Variants in KAZN observed in about 807,000 individuals in gnomAD.
The protein encoded by KAZN is kazrin.
In KAZN, 40 loss-of-function variants were observed where a neutral mutation model predicts 87.4. The ratio of observed to expected loss-of-function variants is 0.46; its 90% CI spans 0.36 to 0.60. The LOEUF is 0.60. Ranked by LOEUF, KAZN falls within the 20% of genes least tolerant of loss-of-function variation. KAZN has a pLI of 0.00. For synonymous variants in KAZN, 466 were observed against 458.3 expected (o/e 1.02, Z -0.22); for missense variants, 898 against 1,073.9 (o/e 0.84, Z 2.29).
intron 1 of KAZN, among the ~76,000 whole-genome samples, chr1:14,031,209 G>A (rs1322306694): frequency 1.3e-5 from 2 of 152,184 alleles, no homozygotes; most frequent in Non-Finnish European, 2.9e-5. Flanking sequence ...ACATGAAAAG[G>A]TATGTCCAAA....
intron 1 of KAZN, among the ~76,000 whole-genome samples, chr1:14,115,010 G>A (rs908482202): frequency 6.6e-6 from 1 of 152,200 alleles, no homozygotes; most frequent in Non-Finnish European, 1.5e-5. Flanking sequence ...CTCCTGTGCT[G>A]GCTCTGTTGA....
At chr1:14,631,096 C>T (rs769110104) in intron 1 of KAZN, among the ~76,000 whole-genome samples, 2 of 152,190 alleles carry the variant, frequency 1.3e-5, no homozygotes, top group Non-Finnish European at 2.9e-5. Context: ...ATCCCCTACC[C>T]TGCTGCCTCA....
chr1:14,837,399 A>T (rs757178579), intron 1 of KAZN, among the ~76,000 whole-genome samples: 7 of 152,030 alleles, frequency 4.6e-5, no homozygotes, highest in Non-Finnish European at 7.4e-5. Flanking sequence ...GGGTTTCTCC[A>T]TGTGGGTCAG....
intron 2 of KAZN, among the ~76,000 whole-genome samples, chr1:14,392,708 A>C (rs1273836737): frequency 6.6e-6 from 1 of 152,030 alleles, no homozygotes; most frequent in African/African-American, 2.4e-5. Flanking sequence ...ATAGAGAAAA[A>C]GTCTGCGAAC....
At chr1:14,042,406 C>T (rs1641878023) in intron 1 of KAZN, among the ~76,000 whole-genome samples, 1 of 152,210 alleles carries the variant, frequency 6.6e-6, no homozygotes, top group Admixed American at 6.5e-5. Flanking sequence ...AACATTCTCC[C>T]TGCTTTCAGC....
chr1:14,605,196 C>T lies in KAZN; in HGVS notation c.226+5973C>T, dbSNP rs151190286. On this transcript the variant is annotated intron_variant, in intron 1 of 14. Coordinates refer to ENST00000376030, the MANE Select transcript of KAZN (RefSeq NM_201628.3). Reference sequence around the variant, plus strand: ...AGCCTGTAGTTTCTTTCTCTTTGGTCAAGGTGAATAGTTTAATGTAGCAGT... The same window carrying T: ...AGCCTGTAGTTTCTTTCTCTTTGGTTAAGGTGAATAGTTTAATGTAGCAGT... Among the ~76,000 whole-genome samples, 287 of 152,284 alleles carry T rather than the reference C, an allele frequency of 1.9e-3. 6 individuals are homozygous for T. In the East Asian group the frequency reaches 0.037, roughly 20 times the overall value.
At chr1:14,908,733 G>T (rs1323335020) in intron 1 of KAZN, among the ~76,000 whole-genome samples, 1 of 151,710 alleles carries the variant, frequency 6.6e-6, no homozygotes, top group East Asian at 1.9e-4. Flanking sequence ...GAACATGTGG[G>T]TCCGGGCATG....
chr1:13,930,133 C>G (rs1437711738), intron 1 of KAZN, among the ~76,000 whole-genome samples: 1 of 152,186 alleles, frequency 6.6e-6, no homozygotes, highest in Non-Finnish European at 1.5e-5. Flanking sequence ...CATCCTGCCC[C>G]CTCTTCCTAC....
intron 2 of KAZN, among the ~76,000 whole-genome samples, chr1:14,270,240 C>T (rs567048797): frequency 8.5e-5 from 13 of 152,290 alleles, no homozygotes; most frequent in Middle Eastern, 3.4e-3. Context: ...GAATCTCCAG[C>T]CTTGGATCTA....
At chr1:14,113,913 C>G in intron 1 of KAZN, among the ~76,000 whole-genome samples, 1 of 152,154 alleles carries the variant, frequency 6.6e-6, no homozygotes, top group East Asian at 1.9e-4. Flanking sequence ...TGTGTGTGGC[C>G]GTCTGAAATT....
intron 1 of KAZN, among the ~76,000 whole-genome samples, chr1:13,996,841 C>T (rs1019267438): frequency 1.4e-4 from 22 of 152,126 alleles, no homozygotes; most frequent in Non-Finnish European, 2.1e-4. Context: ...CACCCCCCTC[C>T]GCAAAGGGAC....
chr1:14,205,099 G>A (rs1557559142), intron 2 of KAZN, among the ~76,000 whole-genome samples: 1 of 152,208 alleles, frequency 6.6e-6, no homozygotes, highest in Non-Finnish European at 1.5e-5. Context: ...TGGGGAAGAG[G>A]CTGAAAGTTG....
chr1:14,823,093 A>G (rs1646782811), intron 1 of KAZN, among the ~76,000 whole-genome samples: 1 of 151,902 alleles, frequency 6.6e-6, no homozygotes, highest in African/African-American at 2.4e-5. Flanking sequence ...CCCTGCAACC[A>G]GCCCCGTTCT....
At chr1:14,953,320 C>T (rs1662720529) in intron 1 of KAZN, among the ~76,000 whole-genome samples, 1 of 152,258 alleles carries the variant, frequency 6.6e-6, no homozygotes, top group Admixed American at 6.5e-5. Flanking sequence ...CACCTGGGCC[C>T]TGCTGGTTCA....
intron 2 of KAZN, among the ~76,000 whole-genome samples, chr1:14,366,610 G>A (rs1307189196): frequency 6.6e-6 from 1 of 152,196 alleles, no homozygotes; most frequent in Admixed American, 6.5e-5. Context: ...GCGGGTGCAG[G>A]AGCCGTGGGC....
chr1:14,766,326 T>C (rs1644882756), intron 1 of KAZN, among the ~76,000 whole-genome samples: 1 of 151,858 alleles, frequency 6.6e-6, no homozygotes, highest in Non-Finnish European at 1.5e-5. Flanking sequence ...AGTTGCACCA[T>C]AATGGTAAGA....
At chr1:15,050,062 AGGGT>A (rs1674150092) in intron 4 of KAZN, among the ~76,000 whole-genome samples, 1 of 76,596 alleles carries the variant, frequency 1.3e-5, no homozygotes, top group Non-Finnish European at 2.3e-5. Flanking sequence ...AGGGTAGGGT[AGGGT>A]AGAGTAGAGT....
intron 1 of KAZN, among the ~76,000 whole-genome samples, chr1:14,799,055 G>A (rs1487937640): frequency 6.6e-6 from 1 of 152,224 alleles, no homozygotes; most frequent in Non-Finnish European, 1.5e-5. Context: ...GGGATTACAG[G>A]CATGATGAGC....
intron 1 of KAZN, among the ~76,000 whole-genome samples, chr1:14,799,510 G>T (rs1476945947): frequency 6.6e-6 from 1 of 152,208 alleles, no homozygotes; most frequent in African/African-American, 2.4e-5. Context: ...GAATGGAAAA[G>T]TACCTCCAGG....
Sources: allele counts gnomAD v4.1 joint callset (sites outside exome capture counted in the v4.1 genomes callset), GRCh38; gene constraint gnomAD v4.1.1; transcripts MANE v1.5; gene names NCBI Gene and HGNC (gene_info 2026-07-23, HGNC 2026-07-21).